Variants in CSMD1 observed in about 807,000 individuals in gnomAD.
CSMD1 encodes the protein CUB and sushi domain-containing protein 1.
Under a neutral mutation model 417.5 loss-of-function variants are expected in CSMD1, and 213 were observed. That is an observed-to-expected ratio of 0.51 (90% CI 0.46 to 0.57). The LOEUF (loss-of-function observed/expected upper bound fraction) is 0.57, where lower values mean the gene tolerates loss of function less well. Ranked by LOEUF, CSMD1 falls within the 20% of genes least tolerant of loss-of-function variation. CSMD1 has a pLI of 0.00. For synonymous variants in CSMD1, 2,862 were observed against 1,736.8 expected, an observed-to-expected ratio of 1.65 and a Z score of -16.11; for missense variants, 6,923 against 4,529.7, an observed-to-expected ratio of 1.53 and a Z score of -15.17.
intron 3 of CSMD1, among the ~76,000 whole-genome samples, chr8:4,176,638 T>A (rs185103571): frequency 9.9e-5 from 15 of 151,548 alleles, no homozygotes; most frequent in African/African-American, 3.2e-4. Context: ...GACTGGCAAA[T>A]TGGATAAAGA....
intron 4 of CSMD1, among the ~76,000 whole-genome samples, chr8:4,030,293 G>A (rs113581609): frequency 0.01 from 1,570 of 152,270 alleles, 30 homozygotes; most frequent in African/African-American, 0.036. Context: ...CATGAGGACC[G>A]CCACCCATAG....
At chr8:4,434,752 T>A (rs2128949238) in intron 2 of CSMD1, among the ~76,000 whole-genome samples, 1 of 152,298 alleles carries the variant, frequency 6.6e-6, no homozygotes, top group Non-Finnish European at 1.5e-5. Context: ...ACTTAGCTCT[T>A]AGACTGTCAA....
chr8:4,601,873 G>C (rs1800606499), intron 2 of CSMD1, among the ~76,000 whole-genome samples: 2 of 152,174 alleles, frequency 1.3e-5, no homozygotes, highest in African/African-American at 2.4e-5. Context: ...AAGCACTGTG[G>C]AGCAGGGCAC....
intron 2 of CSMD1, among the ~76,000 whole-genome samples, chr8:4,544,917 T>G (rs534125559): frequency 1.7e-4 from 26 of 152,234 alleles, no homozygotes; most frequent in Non-Finnish European, 2.6e-4. Flanking sequence ...CCACTTACAT[T>G]GAAATTCAGA....
Position 4,481,808 on chromosome 8 carries a change from G to A in CSMD1, c.303-61743C>T, listed in dbSNP as rs111501352. ...TGTGAGCACATAATGGGATTAACTTGTTTAATTTTAATAATCCCAGGAGGT... is the reference window on the plus strand; with the variant it reads ...TGTGAGCACATAATGGGATTAACTTATTTAATTTTAATAATCCCAGGAGGT... On this transcript the variant is annotated intron_variant, in intron 2 of 69. Coordinates refer to ENST00000635120, the MANE Select transcript of CSMD1 (RefSeq NM_033225.6). Among the ~76,000 whole-genome samples the A allele has an allele frequency of 7.5e-3, 1,136 of 152,212 alleles. 15 individuals are homozygous for A. The highest frequency in any genetic ancestry group is 0.025 in the African/African-American group (1,052 of 41,520).
intron 3 of CSMD1, among the ~76,000 whole-genome samples, chr8:4,305,020 C>T (rs1798170326): frequency 1.3e-5 from 2 of 152,196 alleles, no homozygotes; most frequent in South Asian, 4.1e-4. Flanking sequence ...TACAAACACA[C>T]AGTTCCCCAC....
At chr8:3,786,111 G>A (rs923796958) in intron 5 of CSMD1, among the ~76,000 whole-genome samples, 2 of 152,122 alleles carry the variant, frequency 1.3e-5, no homozygotes, top group Non-Finnish European at 2.9e-5. Flanking sequence ...TGTAGTTTGT[G>A]AATCAAATAG....
chr8:3,860,886 G>T (rs1003091238), intron 5 of CSMD1, among the ~76,000 whole-genome samples: 31 of 152,122 alleles, frequency 2.0e-4, no homozygotes, highest in African/African-American at 7.5e-4. Flanking sequence ...TTAAGTTCAG[G>T]TTAGCACTAG....
At chr8:4,393,709 G>A (rs1029357854) in intron 3 of CSMD1, among the ~76,000 whole-genome samples, 1 of 152,120 alleles carries the variant, frequency 6.6e-6, no homozygotes, top group Non-Finnish European at 1.5e-5. Flanking sequence ...GGAACTCCAG[G>A]AGCAGACCTT....
Position 3,018,540 on chromosome 8 carries a change from C to G in CSMD1, c.7966G>C (p.Gly2656Arg). The G allele has an allele frequency of 6.2e-7, 1 of 1,613,822 alleles. No individual in the cohort carries two copies. Among genetic ancestry groups the G allele is most frequent in the Non-Finnish European group, 8.5e-7 (1 of 1,179,844 alleles). The change falls in exon 52 of 70, where the codon GGG becomes CGG. Residue 2656 changes from glycine (G) to arginine (R), a missense_variant. Transcript: ENST00000635120. ...GCCAAGCACTCTCTGACATGAGACC[C>G]CACAAGCGTGTAGCCGGTGTTGCAC... ...FTCNTGYTLV[G>R]SHVRECLANG...
chr8:4,900,872 G>T (rs796464858), intron 1 of CSMD1, among the ~76,000 whole-genome samples: 1 of 152,032 alleles, frequency 6.6e-6, no homozygotes, highest in Admixed American at 6.6e-5. Flanking sequence ...TCCTTCAGTC[G>T]AGCACAGTCA....
At chr8:3,418,970 A>G (rs1471098762) in intron 12 of CSMD1, among the ~76,000 whole-genome samples, 2 of 152,238 alleles carry the variant, frequency 1.3e-5, no homozygotes, top group Non-Finnish European at 2.9e-5. Flanking sequence ...ATTAATTAGT[A>G]GAAATTTAGT....
chr8:4,048,366 A>G (rs1014418847), intron 3 of CSMD1, among the ~76,000 whole-genome samples: 1 of 152,208 alleles, frequency 6.6e-6, no homozygotes, highest in Non-Finnish European at 1.5e-5. Flanking sequence ...CTTAATAACA[A>G]CAGCTAACAC....
At chr8:4,239,664 T>C (rs1031007916) in intron 3 of CSMD1, among the ~76,000 whole-genome samples, 4 of 152,136 alleles carry the variant, frequency 2.6e-5, no homozygotes, top group African/African-American at 4.8e-5. Flanking sequence ...TCACAGAGCA[T>C]TGCATTATGT....
At chr8:4,764,737 G>T (rs1285222928) in intron 1 of CSMD1, among the ~76,000 whole-genome samples, 12 of 150,786 alleles carry the variant, frequency 8.0e-5, no homozygotes, top group Admixed American at 6.6e-5. Context: ...GCCGGGTGTT[G>T]TGGCGGCTGC....
intron 1 of CSMD1, among the ~76,000 whole-genome samples, chr8:4,773,435 T>C (rs572463829): frequency 1.8e-4 from 27 of 152,254 alleles, no homozygotes; most frequent in African/African-American, 6.3e-4. Flanking sequence ...GTATCGCTGT[T>C]TGGGGGAGGC....
chr8:3,602,402 A>AT (rs1563190140), intron 8 of CSMD1, among the ~76,000 whole-genome samples: 1 of 152,156 alleles, frequency 6.6e-6, no homozygotes, highest in African/African-American at 2.4e-5. Flanking sequence ...TTCTGAAGAG[A>AT]TTTTAAAGGA....
chr8:4,317,193 A>T (rs1158957409), intron 3 of CSMD1, among the ~76,000 whole-genome samples: 1 of 152,184 alleles, frequency 6.6e-6, no homozygotes, highest in Non-Finnish European at 1.5e-5. Flanking sequence ...AAGCAGCTCA[A>T]TGGGTTATAT....
chr8:3,118,757 T>G (rs1293499771), intron 41 of CSMD1, among the ~76,000 whole-genome samples, 170 bp from the exon 42 acceptor site: 1 of 152,204 alleles, frequency 6.6e-6, no homozygotes, highest in Non-Finnish European at 1.5e-5. Flanking sequence ...TAATTATTAT[T>G]AGTAGTAGTA....
Sources: allele counts gnomAD v4.1 joint callset (sites outside exome capture counted in the v4.1 genomes callset), GRCh38; gene constraint gnomAD v4.1.1; transcripts MANE v1.5; gene names NCBI Gene and HGNC (gene_info 2026-07-23, HGNC 2026-07-21).